Variants in C4orf51 observed in about 807,000 individuals in gnomAD.
C4orf51 encodes the protein uncharacterized protein C4orf51.
C4orf51 carries 25 observed loss-of-function variants against 25.2 expected under a neutral mutation model. The observed-to-expected ratio is 0.99, with a 90% confidence interval of 0.72 to 1.39. The LOEUF is 1.39. Among genes scored for constraint, C4orf51 ranks in the 40% most tolerant of loss-of-function variants. The pLI, the probability that C4orf51 is intolerant of heterozygous loss-of-function variation, is 0.00. For synonymous variants in C4orf51, 100 were observed against 84.5 expected, an observed-to-expected ratio of 1.18 and a Z score of -1.01; for missense variants, 252 against 239.6, an observed-to-expected ratio of 1.05 and a Z score of -0.34.
In C4orf51 at chr4:145,740,679, A is replaced by C. The variant is rs559255656; in HGVS notation, n.167+8060A>C. 5.9e-5 allele frequency among the ~76,000 whole-genome samples: 9 copies of C among 152,236 alleles called. No homozygotes were observed. In the East Asian group the frequency reaches 1.7e-3, roughly 29 times the overall value. ...CAAAGTACTCCCCTCAAAACCCTTA[A>C]ATTTTCACTTCTTCTGGATTTGCCG... On this transcript the variant is annotated intron_variant and non_coding_transcript_variant, in intron 1 of 1. Transcript: ENST00000508981.
downstream of C4orf51, among the ~76,000 whole-genome samples, chr4:145,772,115 A>G (rs1219606775): frequency 6.6e-6 from 1 of 152,198 alleles, no homozygotes; most frequent in Non-Finnish European, 1.5e-5. Flanking sequence ...CTAGGACTCT[A>G]AGGTTCAAGC....
chr4:145,730,468 G>C (rs533378484), intron 5 of C4orf51, among the ~76,000 whole-genome samples: 1 of 152,018 alleles, frequency 6.6e-6, no homozygotes, highest in South Asian at 2.1e-4. Flanking sequence ...CAAACCCCAG[G>C]GCTTTTAAAC....
chr4:145,758,220 A>C (rs568268148), downstream of C4orf51: 35 of 152,356 alleles, frequency 2.3e-4, no homozygotes, highest in African/African-American at 8.4e-4. Flanking sequence ...GTGCTAAAAA[A>C]GTTGCCCAAT....
chr4:145,700,746 T>C (rs895257926), intron 2 of C4orf51, among the ~76,000 whole-genome samples: 7 of 152,096 alleles, frequency 4.6e-5, no homozygotes, highest in Non-Finnish European at 7.4e-5. Flanking sequence ...TCGCTGAGTC[T>C]TTCTAATCTT....
chr4:145,694,416 T>C (rs1405417017), intron 1 of C4orf51, among the ~76,000 whole-genome samples: 1 of 100,632 alleles, frequency 9.9e-6, no homozygotes, highest in East Asian at 4.0e-4. Flanking sequence ...GTCTGGGAGG[T>C]GAGGGGCGCC....
rs556166645 is a variant in C4orf51, at chr4:145,767,965, T to C, written n.167-3023T>C. On this transcript the variant is annotated intron_variant and non_coding_transcript_variant, in intron 1 of 1. Transcript: ENST00000510096. ...GGATAAATTCATAATTTTTAAATTATTGAAATGTCTTTAAAAGATAAAAGT... is the reference window on the plus strand; with the variant it reads ...GGATAAATTCATAATTTTTAAATTACTGAAATGTCTTTAAAAGATAAAAGT... 2.6e-5 allele frequency among the ~76,000 whole-genome samples: 4 copies of C among 152,308 alleles called. No homozygotes were observed. In the South Asian group the frequency reaches 6.2e-4, roughly 24 times the overall value.
chr4:145,702,781 C>G (rs1730538025), intron 2 of C4orf51, among the ~76,000 whole-genome samples: 1 of 152,236 alleles, frequency 6.6e-6, no homozygotes, highest in East Asian at 1.9e-4. Flanking sequence ...CATATAGTTT[C>G]TCAATTCATC....
chr4:145,706,923 T>C (rs1222657923), intron 2 of C4orf51, among the ~76,000 whole-genome samples: 1 of 151,498 alleles, frequency 6.6e-6, no homozygotes, highest in Non-Finnish European at 1.5e-5. Context: ...GCGATTCTCC[T>C]GCCTCAGCCT....
At chr4:145,773,460 C>T (rs1736591885), downstream of C4orf51, among the ~76,000 whole-genome samples, 1 of 152,218 alleles carries the variant, frequency 6.6e-6, no homozygotes, top group Admixed American at 6.5e-5. Context: ...AATTCCCCTT[C>T]CCGAATCCTT....
chr4:145,680,566 T>A, intron 1 of C4orf51, 130 bp downstream of exon 1: 2 of 667,134 alleles, frequency 3.0e-6, no homozygotes, highest in Non-Finnish European at 5.0e-6. Context: ...CTTTTGTAAA[T>A]GTCAGCAGGA....
intron 2 of C4orf51, among the ~76,000 whole-genome samples, chr4:145,710,678 G>T (rs1273094551): frequency 6.6e-6 from 1 of 151,924 alleles, no homozygotes; most frequent in Non-Finnish European, 1.5e-5. Context: ...AGGTGTTTTG[G>T]TTTATTGAGA....
intron 1 of C4orf51, among the ~76,000 whole-genome samples, chr4:145,741,606 G>T (rs1343912769): frequency 6.6e-6 from 1 of 152,182 alleles, no homozygotes; most frequent in Non-Finnish European, 1.5e-5. Context: ...AGTAGGGAGT[G>T]GGAAAAGGTT....
chr4:145,767,771 T>C (rs1246571760), intron 1 of C4orf51, among the ~76,000 whole-genome samples: 2 of 152,060 alleles, frequency 1.3e-5, no homozygotes, highest in African/African-American at 2.4e-5. Context: ...GAAAATATAT[T>C]TCAAAAATGA....
intron 1 of C4orf51, among the ~76,000 whole-genome samples, chr4:145,770,075 ATTGC>A (rs1340050403): frequency 6.6e-6 from 1 of 152,080 alleles, no homozygotes; most frequent in East Asian, 1.9e-4. Flanking sequence ...AGGTGGGTGA[ATTGC>A]CTGAGGCCAG....
At chr4:145,727,903 A>G (rs1205745501) in intron 3 of C4orf51, among the ~76,000 whole-genome samples, 24 of 106,840 alleles carry the variant, frequency 2.2e-4, no homozygotes, top group African/African-American at 3.5e-4. Context: ...GTGTATATAT[A>G]TATATATATA....
chr4:145,748,271 A>T (rs1409467775), intron 1 of C4orf51, among the ~76,000 whole-genome samples: 1 of 151,094 alleles, frequency 6.6e-6, no homozygotes, highest in Non-Finnish European at 1.5e-5. Flanking sequence ...TATTTGGATC[A>T]CCTCTCTTTT....
At chr4:145,768,852 C>A (rs1281943305) in intron 1 of C4orf51, among the ~76,000 whole-genome samples, 3 of 49,584 alleles carry the variant, frequency 6.1e-5, no homozygotes, top group African/African-American at 8.4e-5. Context: ...GAGCAAGACT[C>A]CGTCTCAAAA....
At chr4:145,716,779 T>G (rs886666445) in intron 2 of C4orf51, among the ~76,000 whole-genome samples, 2 of 152,200 alleles carry the variant, frequency 1.3e-5, no homozygotes, top group African/African-American at 4.8e-5. Context: ...ATGATCACTA[T>G]TCTGTTAGCT....
intron 2 of C4orf51, among the ~76,000 whole-genome samples, chr4:145,710,955 G>A (rs1360908802): frequency 6.6e-6 from 1 of 152,138 alleles, no homozygotes. Flanking sequence ...GAAGTAATTA[G>A]ATTTTCCTAT....
Sources: gnomAD v4.1 joint callset for allele counts (sites outside exome capture counted in the v4.1 genomes callset) on GRCh38, gnomAD v4.1.1 for gene constraint, MANE v1.5 for transcripts, NCBI Gene and HGNC (gene_info 2026-07-23, HGNC 2026-07-21) for gene names.